The following NKAIN2 variants were observed in gnomAD, a reference collection of about 807,000 sequenced individuals.
NKAIN2 encodes the protein sodium/potassium transporting ATPase interacting 2.
Under a neutral mutation model 32.6 loss-of-function variants are expected in NKAIN2, and 14 were observed. That is an observed-to-expected ratio of 0.43 (90% CI 0.28 to 0.67). The LOEUF (loss-of-function observed/expected upper bound fraction) is 0.67. Ranked by LOEUF, NKAIN2 falls within the 30% of genes least tolerant of loss-of-function variation. The pLI is 0.17. For missense variants in NKAIN2, 198 were observed against 258.3 expected (o/e 0.77, Z 1.60); for synonymous variants, 80 against 87.2 (o/e 0.92, Z 0.46).
intron 3 of NKAIN2, among the ~76,000 whole-genome samples, chr6:124,496,469 A>T (rs1218952905): frequency 6.6e-6 from 1 of 152,188 alleles, no homozygotes; most frequent in Non-Finnish European, 1.5e-5. Flanking sequence ...GCAGAGAGTT[A>T]AAATCATGTG....
At chr6:124,742,811 T>C (rs1777282897) in intron 4 of NKAIN2, among the ~76,000 whole-genome samples, 1 of 151,848 alleles carries the variant, frequency 6.6e-6, no homozygotes. Context: ...TGGGCCTGTA[T>C]GAGTCCTGGA....
chr6:124,740,489 G>C (rs1777154796), intron 4 of NKAIN2, among the ~76,000 whole-genome samples: 1 of 136,954 alleles, frequency 7.3e-6, no homozygotes. Flanking sequence ...TAGGTGCTAT[G>C]AAAAAAAAAC....
intron 3 of NKAIN2, among the ~76,000 whole-genome samples, chr6:124,479,327 T>G (rs751859504): frequency 1.1e-4 from 17 of 152,184 alleles, no homozygotes; most frequent in Admixed American, 7.9e-4. Flanking sequence ...ATGTGAGATG[T>G]TAATAATAGA....
intron 1 of NKAIN2, among the ~76,000 whole-genome samples, chr6:123,905,111 A>G (rs1276883944): frequency 6.6e-6 from 1 of 152,136 alleles, no homozygotes; most frequent in Admixed American, 6.6e-5. Context: ...AAGAATGTGA[A>G]AAGTCTGAAA....
At chr6:124,300,177 G>T (rs542406983) in intron 2 of NKAIN2, among the ~76,000 whole-genome samples, 2 of 149,718 alleles carry the variant, frequency 1.3e-5, no homozygotes, top group African/African-American at 2.5e-5. Context: ...TGTGTCAAGT[G>T]GGGGGGCCAG....
chr6:123,906,895 A>AATAC (rs1774904547), intron 1 of NKAIN2, among the ~76,000 whole-genome samples: 1 of 152,232 alleles, frequency 6.6e-6, no homozygotes, highest in South Asian at 2.1e-4. Flanking sequence ...GAAAATTGTT[A>AATAC]ATACATACAT....
Position 124,818,457 on chromosome 6 carries a change from G to T in NKAIN2, c.606G>T (p.Gln202His), listed in dbSNP as rs1044013945. The T allele has an allele frequency of 6.4e-7, 1 of 1,565,120 alleles. No individual in the cohort carries two copies. Among genetic ancestry groups the T allele is most frequent in the Non-Finnish European group, 8.8e-7 (1 of 1,136,654 alleles). The stretch of plus-strand genomic sequence containing the variant: ...AGAAGACATCTCATTTACAACTACA[G>T]CCTATGTACATGTAAGTATTTTACT... ...GPQKTSHLQL[Q>H]PMYMSK Residue 202 changes from glutamine (Q) to histidine (H), a missense_variant, in exon 6 of 7, where the codon CAG (glutamine) becomes CAT (histidine). Gln to His is a conservative substitution (Grantham distance 24, BLOSUM62 0). Transcript: ENST00000368417.
intron 1 of NKAIN2, among the ~76,000 whole-genome samples, chr6:124,047,560 C>T (rs577255337): frequency 2.0e-5 from 3 of 152,122 alleles, no homozygotes; most frequent in Non-Finnish European, 2.9e-5. Context: ...GATAGGGCTT[C>T]CTCCCCGGCT....
intron 1 of NKAIN2, among the ~76,000 whole-genome samples, chr6:123,971,524 A>G (rs1778340905): frequency 6.6e-6 from 1 of 152,120 alleles, no homozygotes; most frequent in Admixed American, 6.6e-5. Flanking sequence ...TTGGATGGAA[A>G]CCTGACTTTG....
At chr6:124,518,560 A>G (rs1243295239) in intron 3 of NKAIN2, among the ~76,000 whole-genome samples, 1 of 152,118 alleles carries the variant, frequency 6.6e-6, no homozygotes, top group Non-Finnish European at 1.5e-5. Flanking sequence ...ACACTTGTAC[A>G]TAACCAGATC....
At chr6:124,810,946 C>G (rs902978646) in intron 5 of NKAIN2, among the ~76,000 whole-genome samples, 77 of 151,440 alleles carry the variant, frequency 5.1e-4, no homozygotes, top group Non-Finnish European at 9.7e-4. Context: ...CTCAGAGTCC[C>G]TCCAGGGATT....
chr6:124,068,523 T>G (rs1228259396), intron 1 of NKAIN2, among the ~76,000 whole-genome samples: 1 of 152,024 alleles, frequency 6.6e-6, no homozygotes, highest in Non-Finnish European at 1.5e-5. Context: ...CTTGAGTAGC[T>G]GGGACTACGG....
intron 3 of NKAIN2, among the ~76,000 whole-genome samples, chr6:124,405,349 AAAT>A (rs2114472090): frequency 6.6e-6 from 1 of 151,850 alleles, no homozygotes; most frequent in South Asian, 2.1e-4. Flanking sequence ...TAAGAAGCAC[AAAT>A]AATGATGTAC....
At chr6:124,047,703 A>G (rs956185680) in intron 1 of NKAIN2, among the ~76,000 whole-genome samples, 7 of 152,020 alleles carry the variant, frequency 4.6e-5, no homozygotes, top group Admixed American at 2.0e-4. Context: ...ACCTTCTTTA[A>G]GCAGAGGGCA....
At chr6:123,867,110 C>T (rs1772567687) in intron 1 of NKAIN2, among the ~76,000 whole-genome samples, 1 of 152,178 alleles carries the variant, frequency 6.6e-6, no homozygotes, top group Non-Finnish European at 1.5e-5. Flanking sequence ...TCTAACCATC[C>T]GTATCTAATC....
intron 1 of NKAIN2, among the ~76,000 whole-genome samples, chr6:123,840,949 A>T (rs1774842991): frequency 6.6e-6 from 1 of 152,184 alleles, no homozygotes; most frequent in African/African-American, 2.4e-5. Flanking sequence ...CTTTGAGGCC[A>T]TCAAAATTAT....
intron 4 of NKAIN2, among the ~76,000 whole-genome samples, chr6:124,684,703 A>G (rs894783470): frequency 1.6e-4 from 25 of 152,288 alleles, no homozygotes; most frequent in African/African-American, 5.1e-4. Flanking sequence ...TTTGCCGTCT[A>G]TCTCTGCAGC....
At chr6:124,458,748 G>C (rs1466591715) in intron 3 of NKAIN2, among the ~76,000 whole-genome samples, 2 of 151,762 alleles carry the variant, frequency 1.3e-5, no homozygotes, top group Non-Finnish European at 2.9e-5. Flanking sequence ...TGCAAAACTG[G>C]AGATTTGCCT....
chr6:123,848,490 T>A (rs1017910210), intron 1 of NKAIN2, among the ~76,000 whole-genome samples: 16 of 152,194 alleles, frequency 1.1e-4, no homozygotes, highest in African/African-American at 3.6e-4. Flanking sequence ...GATGGTTTTA[T>A]AAGGGACTTT....
Sources: gnomAD v4.1 joint callset for allele counts (sites outside exome capture counted in the v4.1 genomes callset) on GRCh38, gnomAD v4.1.1 for gene constraint, MANE v1.5 for transcripts, NCBI Gene and HGNC (gene_info 2026-07-23, HGNC 2026-07-21) for gene names.